LARP1B: variants seen among roughly 807,000 people sequenced by gnomAD.
LARP1B encodes la-related protein 1B.
A neutral mutation model predicts 114.2 loss-of-function variants in LARP1B; 76 were observed. The observed-to-expected ratio is 0.67, with a 90% CI of 0.55 to 0.81. LARP1B has a LOEUF of 0.81. LARP1B is among the 30% of genes least tolerant of loss of function. The pLI, the probability that LARP1B is intolerant of heterozygous loss-of-function variation, is 0.00. For synonymous variants in LARP1B, 345 were observed against 348.0 expected, an observed-to-expected ratio of 0.99 and a Z score of 0.10; for missense variants, 1,014 against 1,075.8, an observed-to-expected ratio of 0.94 and a Z score of 0.80.
At chr4:128,198,404 A>T (rs1205623676) in intron 15 of LARP1B, among the ~76,000 whole-genome samples, 1 of 152,224 alleles carries the variant, frequency 6.6e-6, no homozygotes, top group Admixed American at 6.5e-5. Flanking sequence ...ACAAAAAGAT[A>T]TGTACTCATG....
rs914468052 is a variant in LARP1B at position 128,209,976 on chromosome 4, T to A, written c.2668T>A (p.Ser890Thr). Reference sequence around the variant, plus strand: ...GCCACCAAATGCTGCTAAACCTACATCTACCAGTGAGCTTCAGGTACCAAT... The same window carrying A: ...GCCACCAAATGCTGCTAAACCTACAACTACCAGTGAGCTTCAGGTACCAAT... ...TKPPNAAKPT[S>T]TSELQVPINS... The change falls in exon 20 of 20, where the codon TCT becomes ACT. Residue 890 changes from serine to threonine, a missense_variant. Ser to Thr is a moderately conservative substitution (Grantham distance 58). Transcript: ENST00000326639. 25 of 1,613,986 alleles carry A rather than the reference T, an allele frequency of 1.5e-5. No individual in the cohort carries two copies. Among genetic ancestry groups the A allele is most frequent in the Non-Finnish European group, 2.0e-5 (24 of 1,179,916 alleles).
At position 128,122,379 on chromosome 4, in the gene LARP1B, A is replaced by G. The variant is rs575165623; in HGVS notation, c.1524+191A>G. 83 of 1,464,334 alleles carry G rather than the reference A, an allele frequency of 5.7e-5. 1 individual carries two copies. In the African/African-American group the frequency reaches 1.1e-3, roughly 19 times the overall value. The allele number at this position is 1,464,334 out of a possible 1,614,324, so 90.7% of individuals were successfully genotyped here. A position where few individuals can be genotyped will look rare whatever the true frequency, so the allele number is the denominator to read the frequency against. On this transcript the variant is annotated intron_variant, in intron 11 of 19. Coordinates refer to ENST00000326639, the MANE Select transcript of LARP1B (RefSeq NM_018078.4). ...GGAATCGTTTTATTTTATGAAAGTAACAGCGTGATGAATACTGTAATTACA... is the reference window on the plus strand; with the variant it reads ...GGAATCGTTTTATTTTATGAAAGTAGCAGCGTGATGAATACTGTAATTACA...
chr4:128,122,236 G>C (rs750622359), intron 11 of LARP1B, 48 bp downstream of exon 11: 1 of 1,585,872 alleles, frequency 6.3e-7, no homozygotes, highest in South Asian at 1.2e-5. Flanking sequence ...TGTTTTGATT[G>C]TATGTTGCTG....
In LARP1B at chr4:128,209,942, C is replaced by A. The variant is rs1389926151; in HGVS notation, c.2634C>A (p.Ser878=). The change falls in exon 20 of 20, where the codon TCC becomes TCA. Residue 878 remains serine (S), a synonymous_variant. Coordinates refer to ENST00000326639, the MANE Select transcript of LARP1B (RefSeq NM_018078.4). ...ESNRHRLPPN[S]STKPPNAAKP... ...ATCGTCATAGACTTCCACCTAATTC[C>A]TCTACAAAGCCACCAAATGCTGCTA... 1 of 1,613,844 alleles carries A rather than the reference C, an allele frequency of 6.2e-7. No individual in the cohort carries two copies. The highest frequency in any genetic ancestry group is 1.1e-5 in the South Asian group (1 of 91,078).
At chr4:128,112,466 A>ATTTT (rs1174266918) in intron 9 of LARP1B, among the ~76,000 whole-genome samples, 732 of 69,338 alleles carry the variant, frequency 0.011, 66 homozygotes, top group Middle Eastern at 0.04. Context: ...TGCTTACTCT[A>ATTTT]TTTTTTTTTT....
chr4:128,212,746 C>T (rs1209409601), downstream of LARP1B, among the ~76,000 whole-genome samples: 2 of 152,078 alleles, frequency 1.3e-5, no homozygotes, highest in Non-Finnish European at 2.9e-5. Flanking sequence ...TCAAGAACTC[C>T]TAGAAGTTGG....
At chr4:128,067,878 T>C (rs571361915) in intron 1 of LARP1B, among the ~76,000 whole-genome samples, 1 of 151,140 alleles carries the variant, frequency 6.6e-6, no homozygotes, top group Non-Finnish European at 1.5e-5. Flanking sequence ...CCTGCATAAT[T>C]TTTGTTTTTG....
At chr4:128,063,965 G>A (rs1379070066) in intron 1 of LARP1B, among the ~76,000 whole-genome samples, 1 of 151,724 alleles carries the variant, frequency 6.6e-6, no homozygotes, top group Non-Finnish European at 1.5e-5. Context: ...ATGCGATGAA[G>A]AGGTGGTATA....
intron 11 of LARP1B, among the ~76,000 whole-genome samples, chr4:128,153,058 C>A (rs1428024180): frequency 7.5e-6 from 1 of 133,324 alleles, no homozygotes; most frequent in Non-Finnish European, 1.5e-5. Context: ...CCTTGGCTCA[C>A]TGCAACCTCC....
intron 9 of LARP1B, among the ~76,000 whole-genome samples, chr4:128,110,485 A>G (rs1032538296): frequency 2.0e-5 from 3 of 149,390 alleles, no homozygotes; most frequent in South Asian, 2.1e-4. Context: ...CATCCCGGCT[A>G]AAAAAAACGG....
downstream of LARP1B, among the ~76,000 whole-genome samples, chr4:128,214,470 TGC>T (rs1210061988): frequency 1.3e-5 from 2 of 151,818 alleles, no homozygotes; most frequent in African/African-American, 4.8e-5. Context: ...ACTGGCAGAC[TGC>T]CTCCTCAAGT....
intron 5 of LARP1B, among the ~76,000 whole-genome samples, chr4:128,089,285 T>C (rs1439617551): frequency 1.3e-5 from 2 of 152,192 alleles, no homozygotes; most frequent in Non-Finnish European, 2.9e-5. Context: ...TTATTCCAAG[T>C]TGATTTTCAA....
At chr4:128,086,130 A>C (rs532833959) in intron 5 of LARP1B, among the ~76,000 whole-genome samples, 1 of 147,962 alleles carries the variant, frequency 6.8e-6, no homozygotes, top group Non-Finnish European at 1.5e-5. Flanking sequence ...TCACCCACTG[A>C]GTAGCTGGGA....
At chr4:128,160,990 C>T (rs1439884111) in intron 11 of LARP1B, among the ~76,000 whole-genome samples, 2 of 152,166 alleles carry the variant, frequency 1.3e-5, no homozygotes, top group African/African-American at 4.8e-5. Flanking sequence ...TTTGCTTCAA[C>T]CCGAAAAATT....
intron 8 of LARP1B, among the ~76,000 whole-genome samples, chr4:128,102,502 T>C (rs1387593664): frequency 6.6e-6 from 1 of 152,244 alleles, no homozygotes; most frequent in East Asian, 1.9e-4. Context: ...TGTATTTGAA[T>C]ATGCTCAAGT....
chr4:128,092,923 T>C (rs1776399480), intron 7 of LARP1B: 1 of 985,426 alleles, frequency 1.0e-6, no homozygotes, highest in East Asian at 1.1e-4. Flanking sequence ...TGCAACTCCA[T>C]GTCAGGATAA....
chr4:128,096,631 C>T (rs187716802), intron 7 of LARP1B, among the ~76,000 whole-genome samples: 69 of 151,160 alleles, frequency 4.6e-4, no homozygotes, highest in African/African-American at 1.7e-3. Flanking sequence ...GATGGAGTCT[C>T]GCTCTGTCGC....
At chr4:128,165,400 A>G (rs1740349410) in intron 12 of LARP1B, among the ~76,000 whole-genome samples, 1 of 152,050 alleles carries the variant, frequency 6.6e-6, no homozygotes, top group Non-Finnish European at 1.5e-5. Flanking sequence ...ATGACAGGAA[A>G]TGTTGAATAG....
rs1725954424 is a variant in LARP1B at position 128,137,656 on chromosome 4, A to G, written c.1524+15468A>G. Among the ~76,000 whole-genome samples, 5 of 151,862 alleles carry G rather than the reference A, an allele frequency of 3.3e-5. No individual in the cohort carries two copies. The South Asian group carries it at 1.0e-3, about 31-fold the overall frequency. On this transcript the variant is annotated intron_variant, in intron 11 of 19. Transcript: ENST00000326639. ...ACATGCATACAATGTGTAATGATCA[A>G]ATTAGGGTAATTTATATATCTATCA...
Sources: allele counts gnomAD v4.1 joint callset (sites outside exome capture counted in the v4.1 genomes callset), GRCh38; gene constraint gnomAD v4.1.1; transcripts MANE v1.5; gene names NCBI Gene and HGNC (gene_info 2026-07-23, HGNC 2026-07-21).